TRDMT1: variants seen among roughly 807,000 people sequenced by gnomAD.
The protein encoded by TRDMT1 is tRNA (cytosine(38)-C(5))-methyltransferase.
TRDMT1 carries 49 observed loss-of-function variants against 51.2 expected under a neutral mutation model. That is an observed-to-expected ratio of 0.96 (90% CI 0.76 to 1.21). The LOEUF is 1.21. Among genes scored for constraint, TRDMT1 ranks in the 50% most tolerant of loss-of-function variants. TRDMT1 has a pLI of 0.00. For synonymous variants in TRDMT1, 187 were observed against 164.6 expected (o/e 1.14, Z -1.04); for missense variants, 534 against 462.3 (o/e 1.16, Z -1.42).
rs1046760134 is a variant in TRDMT1, at chr10:17,144,196, C to G, written c.*4844G>C. The G allele has an allele frequency of 2.5e-5, 25 of 985,722 alleles. No homozygotes were observed. The South Asian group carries it at 8.0e-4, about 31-fold the overall frequency. The allele number at this position is 985,722 out of a possible 1,614,324, so 61.1% of individuals were successfully genotyped here. On this transcript the variant is annotated 3_prime_UTR_variant, in exon 11 of 11. Transcript: ENST00000377799. Reference sequence around the variant, plus strand: ...TCTCTTTCACTCTCATCCTCTGACCCTCTAGGTGATCTCATCTGATTATAG... The same window carrying G: ...TCTCTTTCACTCTCATCCTCTGACCGTCTAGGTGATCTCATCTGATTATAG...
rs1588686947 is a variant in TRDMT1, at chr10:17,146,220, A to G, written c.*2820T>C. On this transcript the variant is annotated 3_prime_UTR_variant, in exon 11 of 11. Transcript: ENST00000377799. ...TGGACCCTCACTGTTCACAATTTCA[A>G]CTACTGTTTTTGCCTCTTTAGAAGG... is the stretch of plus-strand genomic sequence containing the variant. 9 of 985,462 alleles carry G rather than the reference A, an allele frequency of 9.1e-6. No homozygotes were observed. Among genetic ancestry groups the G allele is most frequent in the Non-Finnish European group, 7.2e-6 (6 of 829,932 alleles). 61.0% of individuals were successfully genotyped at this position (985,462 alleles called of 1,614,324 possible).
chr10:17,201,596 C>T lies in TRDMT1; in HGVS notation c.39G>A (p.Val13=). 6.5e-7 allele frequency: 1 copy of T among 1,549,132 alleles called. No individual in the cohort carries two copies. The highest frequency in any genetic ancestry group is 8.7e-7 in the Non-Finnish European group (1 of 1,146,088). ...PLRVLELYSG[V]GGMHHALRES... ...CTCTCAGCGCGTGGTGCATGCCGCC[C>T]ACGCCGCTGTATAGCTCCAGCACCC... Residue 13 remains valine (V), a synonymous_variant, in exon 1 of 11, where the codon GTG becomes GTA. Coordinates refer to ENST00000377799, the MANE Select transcript of TRDMT1 (RefSeq NM_004412.7).
Position 17,140,563 on chromosome 10 carries a change from T to A in TRDMT1, c.*8477A>T, listed in dbSNP as rs1347230447. 6.6e-6 allele frequency among the ~76,000 whole-genome samples: 1 copy of A among 152,070 alleles called. No homozygotes were observed. The highest frequency in any genetic ancestry group is 1.5e-5 in the Non-Finnish European group (1 of 68,026). On this transcript the variant is annotated 3_prime_UTR_variant, in exon 11 of 11. Coordinates refer to ENST00000377799, the MANE Select transcript of TRDMT1 (RefSeq NM_004412.7). ...TAGCTTCTGCTCTGGAGGAAAAAAG[T>A]CAGCAGGGGAGGGGATTATATTACA...
At chr10:17,192,587 T>C (rs989750006) in intron 1 of TRDMT1, among the ~76,000 whole-genome samples, 17 of 152,182 alleles carry the variant, frequency 1.1e-4, no homozygotes, top group Non-Finnish European at 2.2e-4. Flanking sequence ...TGTGCTCTCC[T>C]TCCCCGCAAA....
intron 1 of TRDMT1, chr10:17,200,555 G>A: frequency 6.0e-6 from 1 of 167,648 alleles, no homozygotes. Flanking sequence ...AAATAAGGAA[G>A]CAGGGAAGTT....
chr10:17,155,519 G>C (rs1839381807), intron 8 of TRDMT1, among the ~76,000 whole-genome samples: 1 of 152,028 alleles, frequency 6.6e-6, no homozygotes, highest in Non-Finnish European at 1.5e-5. Flanking sequence ...AGCAAACACA[G>C]TGCCACTGAT....
chr10:17,160,532 C>T (rs1055023772), intron 5 of TRDMT1, among the ~76,000 whole-genome samples, 158 bp from the exon 6 acceptor site: 1 of 152,152 alleles, frequency 6.6e-6, no homozygotes, highest in Admixed American at 6.5e-5. Context: ...AATGCAATGG[C>T]AGAATCTCGG....
chr10:17,156,370 G>A (rs1271224558), intron 8 of TRDMT1, among the ~76,000 whole-genome samples: 1 of 152,006 alleles, frequency 6.6e-6, no homozygotes, highest in Admixed American at 6.6e-5. Context: ...AAGTAGCTGG[G>A]AATGCAGGCA....
chr10:17,163,049 G>C (rs1018816493), intron 3 of TRDMT1, among the ~76,000 whole-genome samples: 2 of 151,860 alleles, frequency 1.3e-5, no homozygotes, highest in Non-Finnish European at 2.9e-5. Flanking sequence ...TGGCACTGGT[G>C]GCCAATCTAA....
chr10:17,198,795 C>T (rs1344181780), intron 1 of TRDMT1, among the ~76,000 whole-genome samples: 1 of 152,188 alleles, frequency 6.6e-6, no homozygotes, highest in Non-Finnish European at 1.5e-5. Flanking sequence ...TTAAATGATA[C>T]ATTTCATGTT....
chr10:17,151,067 G>A (rs1014581276), intron 10 of TRDMT1: 6 of 918,290 alleles, frequency 6.5e-6, no homozygotes, highest in Admixed American at 1.2e-4. Flanking sequence ...TTAGGTTGGT[G>A]CAAAAGCATT....
Position 17,185,711 on chromosome 10 carries a change from G to A in TRDMT1, c.65-11051C>T, listed in dbSNP as rs1330518996. Among the ~76,000 whole-genome samples the A allele has an allele frequency of 4.6e-5, 7 of 152,180 alleles. No individual in the cohort carries two copies. The South Asian group carries it at 1.5e-3, about 32-fold the overall frequency. On this transcript the variant is annotated intron_variant, in intron 1 of 10. Coordinates refer to ENST00000377799, the MANE Select transcript of TRDMT1 (RefSeq NM_004412.7). Reference sequence around the variant, plus strand: ...AGAAAATGTGGCACATATACACCACGGAATACTATGCAGCCATAAAAAGGA... The same window carrying A: ...AGAAAATGTGGCACATATACACCACAGAATACTATGCAGCCATAAAAAGGA...
chr10:17,171,498 C>T (rs1023675549), intron 2 of TRDMT1: 1 of 152,260 alleles, frequency 6.6e-6, no homozygotes, highest in Non-Finnish European at 1.5e-5. Context: ...GCCAGTAACA[C>T]CACTGTAAGT....
At position 17,159,217 on chromosome 10, in the gene TRDMT1, T is replaced by C; in HGVS notation, c.472A>G (p.Asn158Asp). 1 of 1,601,934 alleles carries C rather than the reference T, an allele frequency of 6.2e-7. No individual in the cohort carries two copies. Among genetic ancestry groups the C allele is most frequent in the South Asian group, 1.1e-5 (1 of 89,252 alleles). Reference sequence around the variant, plus strand: ...ATAAGAAAATATCGTAGCCTTGAATTTGGAATGCCAAGCTGTAAGCAAAGC... The same window carrying C: ...ATAAGAAAATATCGTAGCCTTGAATCTGGAATGCCAAGCTGTAAGCAAAGC... ...LLSPTSLGIPNSRLRYFLIAK... is the reference protein window; with the variant it reads ...LLSPTSLGIPDSRLRYFLIAK... Residue 158 changes from asparagine (N) to aspartate (D), a missense_variant, in exon 7 of 11, where the codon AAT becomes GAT. By Grantham distance (23) the Asn-to-Asp change is conservative. Coordinates refer to ENST00000377799, the MANE Select transcript of TRDMT1 (RefSeq NM_004412.7).
intron 8 of TRDMT1, among the ~76,000 whole-genome samples, chr10:17,155,821 G>C (rs866593326): frequency 1.3e-5 from 2 of 151,918 alleles, no homozygotes; most frequent in Non-Finnish European, 2.9e-5. Flanking sequence ...ATATAAATAC[G>C]TGTGTATATA....
intron 1 of TRDMT1, among the ~76,000 whole-genome samples, chr10:17,180,148 A>G (rs1843100812): frequency 6.6e-6 from 1 of 152,180 alleles, no homozygotes; most frequent in African/African-American, 2.4e-5. Flanking sequence ...ATGCTCTTTT[A>G]TGGCTATGTT....
At position 17,152,146 on chromosome 10, in the gene TRDMT1, T is replaced by C; in HGVS notation, c.1075+1361A>G. The C allele has an allele frequency of 1.7e-6, 2 of 1,209,308 alleles. 1 individual carries two copies. Among genetic ancestry groups the C allele is most frequent in the South Asian group, 2.6e-5 (2 of 76,132 alleles). The allele number at this position is 1,209,308 out of a possible 1,614,324, so 74.9% of individuals were successfully genotyped here. A position where few individuals can be genotyped will look rare whatever the true frequency, so the allele number is the denominator to read the frequency against. On this transcript the variant is annotated intron_variant, in intron 10 of 10. Transcript: ENST00000377799. Reference sequence around the variant, plus strand: ...AGTAGCTAGGAAAGCAGACTAGGAATGAGAATTCTTAAGTCTAATTCTCAG... The same window carrying C: ...AGTAGCTAGGAAAGCAGACTAGGAACGAGAATTCTTAAGTCTAATTCTCAG...
chr10:17,143,579 T>C lies in TRDMT1; in HGVS notation c.*5461A>G, dbSNP rs1271806831. The C allele has an allele frequency of 2.0e-6, 2 of 985,354 alleles. No individual in the cohort carries two copies. The highest frequency in any genetic ancestry group is 6.1e-5 in the Admixed American group (1 of 16,266). 61.0% of individuals were successfully genotyped at this position (985,354 alleles called of 1,614,324 possible). A position where few individuals can be genotyped will look rare whatever the true frequency, so the allele number is the denominator to read the frequency against. ...AATATTTTAGTAAAAACGACATTCA[T>C]GCTGGATTAAATTTAGAAGGCTCAA... is the stretch of plus-strand genomic sequence containing the variant. On this transcript the variant is annotated 3_prime_UTR_variant, in exon 11 of 11. Coordinates refer to ENST00000377799, the MANE Select transcript of TRDMT1 (RefSeq NM_004412.7).
chr10:17,172,335 C>T (rs904562963), intron 2 of TRDMT1, among the ~76,000 whole-genome samples: 4 of 152,092 alleles, frequency 2.6e-5, no homozygotes, highest in African/African-American at 9.6e-5. Context: ...CAGATTTTTA[C>T]AAAAATATCT....
Sources: allele counts gnomAD v4.1 joint callset (sites outside exome capture counted in the v4.1 genomes callset), GRCh38; gene constraint gnomAD v4.1.1; transcripts MANE v1.5; gene names NCBI Gene and HGNC (gene_info 2026-07-23, HGNC 2026-07-21).